The following SYNE2 variants were observed in gnomAD, a reference collection of about 807,000 sequenced individuals.
SYNE2 encodes the protein spectrin repeat containing nuclear envelope protein 2.
A neutral mutation model predicts 856.3 loss-of-function variants in SYNE2; 431 were observed. The ratio of observed to expected loss-of-function variants is 0.50; its 90% CI spans 0.47 to 0.55. SYNE2 has a LOEUF of 0.55. Ranked by LOEUF, SYNE2 falls within the 20% of genes least tolerant of loss-of-function variation. The probability of loss-of-function intolerance (pLI) is 0.00; values close to 1 mark genes in which losing one functional copy is unlikely to be tolerated. For synonymous variants in SYNE2, 2,923 were observed against 2,872.3 expected (o/e 1.02, Z -0.56); for missense variants, 8,129 against 8,023.2 (o/e 1.01, Z -0.50).
intron 12 of SYNE2, 28 bp from the exon 13 acceptor site, chr14:63,977,877 G>A (rs765727680): frequency 8.9e-5 from 130 of 1,461,738 alleles, no homozygotes; most frequent in Non-Finnish European, 1.1e-4. Context: ...AATAAGTATC[G>A]TTTATGTCAT....
intron 6 of SYNE2, among the ~76,000 whole-genome samples, chr14:63,948,591 G>C (rs1205262755): frequency 6.6e-6 from 1 of 150,712 alleles, no homozygotes. Flanking sequence ...GAACCGGGAG[G>C]CGGAGGTTGC....
At chr14:63,889,944 G>A (rs2095089295) in intron 1 of SYNE2, among the ~76,000 whole-genome samples, 1 of 152,126 alleles carries the variant, frequency 6.6e-6, no homozygotes, top group African/African-American at 2.4e-5. Flanking sequence ...GATAGACTGA[G>A]GGGGAAATTC....
intron 1 of SYNE2, among the ~76,000 whole-genome samples, chr14:63,803,491 C>T (rs1302039758): frequency 3.9e-5 from 6 of 152,242 alleles, no homozygotes; most frequent in Admixed American, 6.5e-5. Flanking sequence ...GTACACCCTC[C>T]GCAGCCACTG....
intron 18 of SYNE2, among the ~76,000 whole-genome samples, chr14:63,985,869 G>A (rs916511565): frequency 3.9e-5 from 6 of 152,162 alleles, no homozygotes; most frequent in South Asian, 2.1e-4. Flanking sequence ...TTAGCTAGAC[G>A]TAGTGGCATA....
At chr14:64,041,805 A>G (rs1334593939) in intron 45 of SYNE2, among the ~76,000 whole-genome samples, 1 of 151,758 alleles carries the variant, frequency 6.6e-6, no homozygotes, top group Non-Finnish European at 1.5e-5. Context: ...AACCATGTTC[A>G]CACCACTGCA....
At chr14:64,075,410 C>G (rs1331398751) in intron 53 of SYNE2, among the ~76,000 whole-genome samples, 1 of 152,138 alleles carries the variant, frequency 6.6e-6, no homozygotes, top group East Asian at 1.9e-4. Context: ...AACCTACATT[C>G]TTTGTATGGA....
chr14:64,001,173 T>G (rs750423617), intron 28 of SYNE2, among the ~76,000 whole-genome samples: 3 of 152,212 alleles, frequency 2.0e-5, no homozygotes, highest in African/African-American at 7.2e-5. Flanking sequence ...TTACCTATGG[T>G]CACACATTTC....
intron 1 of SYNE2, among the ~76,000 whole-genome samples, chr14:63,830,144 T>C (rs995679810): frequency 1.3e-5 from 2 of 152,086 alleles, no homozygotes; most frequent in Admixed American, 1.3e-4. Context: ...ATATATTATA[T>C]CATTCCATTT....
intron 1 of SYNE2, among the ~76,000 whole-genome samples, chr14:63,824,070 G>A (rs546416535): frequency 1.3e-5 from 2 of 152,354 alleles, no homozygotes; most frequent in Admixed American, 6.5e-5. Flanking sequence ...GGAGTGCAGT[G>A]ACTCATACCT....
chr14:63,963,701 T>G (rs1385370400), intron 9 of SYNE2, among the ~76,000 whole-genome samples, 198 bp from the exon 10 acceptor site: 1 of 152,180 alleles, frequency 6.6e-6, no homozygotes, highest in African/African-American at 2.4e-5. Flanking sequence ...TTTAGCACAT[T>G]GTCATGTTCA....
intron 11 of SYNE2, among the ~76,000 whole-genome samples, chr14:63,973,849 T>C (rs1399834480): frequency 6.6e-6 from 1 of 152,172 alleles, no homozygotes; most frequent in Non-Finnish European, 1.5e-5. Flanking sequence ...TTTTAGATAT[T>C]TGCTTTTGCA....
intron 111 of SYNE2, among the ~76,000 whole-genome samples, chr14:64,221,081 C>T (rs1338066956): frequency 6.6e-6 from 1 of 152,080 alleles, no homozygotes; most frequent in Non-Finnish European, 1.5e-5. Flanking sequence ...TAGAAAGAAC[C>T]TTAAAAAGGT....
intron 1 of SYNE2, among the ~76,000 whole-genome samples, chr14:63,780,858 CAG>C (rs934129444): frequency 6.6e-6 from 1 of 152,076 alleles, no homozygotes; most frequent in Admixed American, 6.6e-5. Flanking sequence ...AAAATCAGGA[CAG>C]AGTTTGTGGA....
At position 64,225,971 on chromosome 14, in the gene SYNE2, T is replaced by A; in HGVS notation, c.*445T>A. On this transcript the variant is annotated 3_prime_UTR_variant, in exon 116 of 116. Coordinates refer to ENST00000555002, the MANE Select transcript of SYNE2 (RefSeq NM_182914.3). The stretch of plus-strand genomic sequence containing the variant: ...AGGCACCCTTAGCTGATGGAAACAA[T>A]CAATCATATTTAATACGCTTAGAAT... 3.3e-6 allele frequency: 1 copy of A among 304,128 alleles called. No individual in the cohort carries two copies. The highest frequency in any genetic ancestry group is 5.7e-5 in the South Asian group (1 of 17,680). 18.8% of individuals were successfully genotyped at this position (304,128 alleles called of 1,614,324 possible).
In SYNE2 at chr14:64,225,507, A is replaced by G. The variant is rs764411722; in HGVS notation, c.20705A>G (p.Asn6902Ser). 1.2e-6 allele frequency: 2 copies of G among 1,614,058 alleles called. No individual in the cohort carries two copies. The highest frequency in any genetic ancestry group is 2.2e-5 in the South Asian group (2 of 91,044). Residue 6902 changes from asparagine to serine, a missense_variant, in exon 116 of 116, where the codon AAT (asparagine) becomes AGT (serine). Physicochemically the swap from Asn to Ser is conservative, Grantham distance 46. Coordinates refer to ENST00000555002, the MANE Select transcript of SYNE2 (RefSeq NM_182914.3). The part of the protein sequence containing the change: ...RSFYPMLRYT[N>S]GPPPT ...TTTTACCCCATGCTGAGGTACACCAATGGGCCACCCCCCACATAGAGGGCA... is the reference window on the plus strand; with the variant it reads ...TTTTACCCCATGCTGAGGTACACCAGTGGGCCACCCCCCACATAGAGGGCA...
chr14:63,984,235 C>T (rs962687646), intron 18 of SYNE2, among the ~76,000 whole-genome samples: 3 of 152,134 alleles, frequency 2.0e-5, no homozygotes, highest in Admixed American at 2.0e-4. Flanking sequence ...CAGAGTAAGA[C>T]TCCCGTCTCA....
chr14:63,819,307 C>A (rs989923324), intron 1 of SYNE2, among the ~76,000 whole-genome samples: 4 of 152,068 alleles, frequency 2.6e-5, no homozygotes, highest in African/African-American at 9.7e-5. Context: ...TCTTGGCTCA[C>A]TGCATCCTCT....
chr14:63,982,857 CATT>C (rs1459135204), intron 17 of SYNE2, 63 bp downstream of exon 17: 1 of 1,524,780 alleles, frequency 6.6e-7, no homozygotes, highest in Admixed American at 1.7e-5. Context: ...ACAATTTACT[CATT>C]GTAAGTTCAT....
In SYNE2 at chr14:64,151,420, TAAAAAA is replaced by T. The variant is rs540541655; in HGVS notation, c.15640-1123_15640-1118del. On this transcript the variant is annotated intron_variant, in intron 84 of 115. Coordinates refer to ENST00000555002, the MANE Select transcript of SYNE2 (RefSeq NM_182914.3). The stretch of plus-strand genomic sequence containing the variant: ...CATGCAGTGATTCTTACAAAGGATT[TAAAAAA>T]AAAAAAAAAAAAAAAAAAAAGCTGG... Among the ~76,000 whole-genome samples, 3 of 19,340 alleles carry T rather than the reference TAAAAAA, an allele frequency of 1.6e-4. No individual in the cohort carries two copies. The South Asian group carries it at 5.6e-3, about 36-fold the overall frequency. The allele number at this position is 19,340 out of a possible 152,430, so 12.7% of individuals were successfully genotyped here. A position where few individuals can be genotyped will look rare whatever the true frequency, so the allele number is the denominator to read the frequency against.
Sources: gnomAD v4.1 joint callset for allele counts (sites outside exome capture counted in the v4.1 genomes callset) on GRCh38, gnomAD v4.1.1 for gene constraint, MANE v1.5 for transcripts, NCBI Gene and HGNC (gene_info 2026-07-23, HGNC 2026-07-21) for gene names.